SLC35F3: variants seen among roughly 807,000 people sequenced by gnomAD.
SLC35F3 encodes solute carrier family 35 member F3, also known as putative thiamine transporter SLC35F3.
Under a neutral mutation model 49.9 loss-of-function variants are expected in SLC35F3, and 25 were observed. That is an observed-to-expected ratio of 0.50 (90% CI 0.37 to 0.70). SLC35F3 has a LOEUF of 0.70. SLC35F3 is among the 30% of genes least tolerant of loss of function. SLC35F3 has a pLI of 0.00. For missense variants in SLC35F3, 525 were observed against 639.8 expected (o/e 0.82, Z 1.94); for synonymous variants, 275 against 265.4 (o/e 1.04, Z -0.35).
At chr1:234,229,453 A>T (rs1411756079) in intron 2 of SLC35F3, among the ~76,000 whole-genome samples, 1 of 152,206 alleles carries the variant, frequency 6.6e-6, no homozygotes, top group Non-Finnish European at 1.5e-5. Context: ...AAATTACATG[A>T]TTTGATGATT....
chr1:234,203,359 C>T lies in SLC35F3; in HGVS notation c.284-28058C>T, dbSNP rs528129717. Among the ~76,000 whole-genome samples the T allele has an allele frequency of 1.3e-3, 200 of 152,248 alleles. 5 individuals carry two copies. In the South Asian group the frequency reaches 0.034, roughly 26 times the overall value. ...TGAAGACGTTTCCCATTTTTATTCT[C>T]ATTTGTACCTGTTTACAAGAGACTC... On this transcript the variant is annotated intron_variant, in intron 2 of 7. Coordinates refer to ENST00000366618, the MANE Select transcript of SLC35F3 (RefSeq NM_173508.4).
intron 2 of SLC35F3, among the ~76,000 whole-genome samples, chr1:234,195,264 T>C (rs1474834618): frequency 6.6e-6 from 1 of 152,228 alleles, no homozygotes; most frequent in African/African-American, 2.4e-5. Context: ...CCCAGCCTCC[T>C]GTGTGCTCCA....
chr1:233,975,560 C>T (rs1033017506), intron 2 of SLC35F3, among the ~76,000 whole-genome samples: 5 of 152,218 alleles, frequency 3.3e-5, no homozygotes, highest in African/African-American at 7.2e-5. Context: ...CCAGAGGGGC[C>T]GTCCTTGCCG....
At chr1:233,908,951 G>A (rs1231634499) in intron 2 of SLC35F3, among the ~76,000 whole-genome samples, 3 of 151,862 alleles carry the variant, frequency 2.0e-5, no homozygotes, top group Non-Finnish European at 4.4e-5. Flanking sequence ...TGCCTCACAG[G>A]TTCAAGCGAT....
intron 2 of SLC35F3, among the ~76,000 whole-genome samples, chr1:234,207,475 C>T (rs1463805955): frequency 0.01 from 4 of 390 alleles, no homozygotes; most frequent in Middle Eastern, 0.25. Context: ...CCTCAAGGAT[C>T]GATTTAATTA....
intron 3 of SLC35F3, among the ~76,000 whole-genome samples, chr1:234,251,314 A>G (rs1667734477): frequency 6.6e-6 from 1 of 152,162 alleles, no homozygotes; most frequent in East Asian, 1.9e-4. Context: ...CCTAAAGTTT[A>G]TGAAAGGAAA....
chr1:234,279,577 G>A (rs1355157995), intron 3 of SLC35F3, among the ~76,000 whole-genome samples: 1 of 152,186 alleles, frequency 6.6e-6, no homozygotes, highest in African/African-American at 2.4e-5. Flanking sequence ...TCGGCATGGT[G>A]TTCAAACAGA....
intron 2 of SLC35F3, among the ~76,000 whole-genome samples, chr1:234,023,585 G>A (rs1238992003): frequency 5.3e-5 from 8 of 152,114 alleles, no homozygotes; most frequent in African/African-American, 1.9e-4. Flanking sequence ...TCTCAAGGAA[G>A]TGGAGCTGTG....
At chr1:234,194,457 G>A (rs904513687) in intron 2 of SLC35F3, among the ~76,000 whole-genome samples, 1 of 152,134 alleles carries the variant, frequency 6.6e-6, no homozygotes, top group African/African-American at 2.4e-5. Flanking sequence ...GAGGGTGGGA[G>A]GAGGGTGAGG....
rs137894413 is a variant in SLC35F3 at position 233,955,395 on chromosome 1, G to C, written c.283+49637G>C. On this transcript the variant is annotated intron_variant, in intron 2 of 7. Transcript: ENST00000366618. ...CCCCCAGCGTATGCCCCAATCTGGTGAATGTCCCCACCAGCTCTCTGCTCA... is the reference window on the plus strand; with the variant it reads ...CCCCCAGCGTATGCCCCAATCTGGTCAATGTCCCCACCAGCTCTCTGCTCA... 2.7e-3 allele frequency among the ~76,000 whole-genome samples: 414 copies of C among 152,242 alleles called. 1 individual carries two copies. Among genetic ancestry groups the C allele is most frequent in the African/African-American group, 9.6e-3 (397 of 41,536 alleles).
At chr1:233,967,557 G>A (rs927401978) in intron 2 of SLC35F3, among the ~76,000 whole-genome samples, 3 of 152,138 alleles carry the variant, frequency 2.0e-5, no homozygotes, top group African/African-American at 7.2e-5. Flanking sequence ...TGGTAACCAT[G>A]TTTTACTGAT....
At chr1:234,058,743 T>G (rs781778516) in intron 2 of SLC35F3, among the ~76,000 whole-genome samples, 7 of 152,240 alleles carry the variant, frequency 4.6e-5, no homozygotes, top group Non-Finnish European at 8.8e-5. Context: ...TTGTCTGGTT[T>G]TCTTATCGAG....
chr1:234,071,667 A>G (rs1488767110), intron 2 of SLC35F3, among the ~76,000 whole-genome samples: 1 of 152,240 alleles, frequency 6.6e-6, no homozygotes, highest in Non-Finnish European at 1.5e-5. Flanking sequence ...ATGAACATGC[A>G]ATTTGTCATT....
At chr1:233,968,674 G>A (rs1260337282) in intron 2 of SLC35F3, among the ~76,000 whole-genome samples, 1 of 151,960 alleles carries the variant, frequency 6.6e-6, no homozygotes, top group Admixed American at 6.6e-5. Context: ...TAGTAAACAC[G>A]GGGTTTCACC....
intron 3 of SLC35F3, among the ~76,000 whole-genome samples, chr1:234,240,252 T>C (rs928712326): frequency 6.6e-6 from 1 of 152,118 alleles, no homozygotes; most frequent in African/African-American, 2.4e-5. Flanking sequence ...GGCGGATCAC[T>C]TGAGCCCAGG....
intron 2 of SLC35F3, among the ~76,000 whole-genome samples, chr1:234,021,763 CATTCAGGTTTTT>C (rs1663899395): frequency 6.6e-6 from 1 of 152,164 alleles, no homozygotes; most frequent in South Asian, 2.1e-4. Context: ...CCACGCACAC[CATTCAGGTTTTT>C]ATTCTTGGTT....
At chr1:234,308,335 G>A (rs1657258101) in intron 3 of SLC35F3, among the ~76,000 whole-genome samples, 1 of 152,136 alleles carries the variant, frequency 6.6e-6, no homozygotes, top group South Asian at 2.1e-4. Context: ...ATGTTTCAAT[G>A]TGTTCTCTTA....
At position 234,231,153 on chromosome 1, in the gene SLC35F3, C is replaced by T. The variant is rs921032212; in HGVS notation, c.284-264C>T. 2.6e-5 allele frequency among the ~76,000 whole-genome samples: 4 copies of T among 152,164 alleles called. No homozygotes were observed. Among genetic ancestry groups the T allele is most frequent in the African/African-American group, 9.7e-5 (4 of 41,432 alleles). On this transcript the variant is annotated intron_variant, in intron 2 of 7. Transcript: ENST00000366618. This position sits in a 1 kb window ranked among gnomAD's most constrained non-coding sequence, Gnocchi z 5.4. ...GAGATTCTGCATTTCCAACACGTTC[C>T]GGGGACGGACGGGGAAGGGTGCTGA...
chr1:234,063,369 C>G (rs987025339), intron 2 of SLC35F3, among the ~76,000 whole-genome samples: 1 of 152,174 alleles, frequency 6.6e-6, no homozygotes, highest in Admixed American at 6.6e-5. Flanking sequence ...TGATTAACTT[C>G]TTTTAATCTA....
Sources: gnomAD v4.1 joint callset for allele counts (sites outside exome capture counted in the v4.1 genomes callset) on GRCh38, gnomAD v4.1.1 for gene constraint, Gnocchi (gnomAD v3.1) non-coding constraint, MANE v1.5 for transcripts, NCBI Gene and HGNC (gene_info 2026-07-23, HGNC 2026-07-21) for gene names.